PTPRC: variants seen among roughly 807,000 people sequenced by gnomAD.
The protein encoded by PTPRC is receptor-type tyrosine-protein phosphatase C.
A neutral mutation model predicts 155.9 loss-of-function variants in PTPRC; 44 were observed. That is an observed-to-expected ratio of 0.28 (90% CI 0.22 to 0.36). The LOEUF is 0.36. Ranked by LOEUF, PTPRC falls within the 10% of genes least tolerant of loss-of-function variation. The pLI is 1.00. For synonymous variants in PTPRC, 525 were observed against 533.1 expected (o/e 0.98, Z 0.21); for missense variants, 1,401 against 1,564.6 (o/e 0.90, Z 1.76).
chr1:198,653,343 TG>T (rs545353981), intron 2 of PTPRC, among the ~76,000 whole-genome samples: 1 of 151,864 alleles, frequency 6.6e-6, no homozygotes, highest in South Asian at 2.1e-4. Context: ...TTTAAGCATT[TG>T]AAAAACGATA....
chr1:198,674,129 G>A (rs1249320948), intron 2 of PTPRC, among the ~76,000 whole-genome samples: 1 of 152,140 alleles, frequency 6.6e-6, no homozygotes, highest in Non-Finnish European at 1.5e-5. Context: ...AGTTGCATTT[G>A]TTCCTCATAT....
intron 20 of PTPRC, among the ~76,000 whole-genome samples, chr1:198,733,659 A>G (rs1428220617): frequency 6.6e-6 from 1 of 151,806 alleles, no homozygotes; most frequent in East Asian, 1.9e-4. Flanking sequence ...GAAAGCAGAC[A>G]TAGTAGGTAA....
chr1:198,716,011 G>T (rs554318999), intron 12 of PTPRC, among the ~76,000 whole-genome samples: 1 of 152,216 alleles, frequency 6.6e-6, no homozygotes, highest in South Asian at 2.1e-4. Flanking sequence ...TGCCTCCCCA[G>T]CCAGAGCTGT....
intron 20 of PTPRC, among the ~76,000 whole-genome samples, chr1:198,733,863 T>C (rs1654506822): frequency 6.6e-6 from 1 of 151,714 alleles, no homozygotes; most frequent in Non-Finnish European, 1.5e-5. Flanking sequence ...CCTATAAGAG[T>C]TGGCAGGATA....
At chr1:198,740,043 C>A (rs1654827703) in intron 23 of PTPRC, among the ~76,000 whole-genome samples, 1 of 151,396 alleles carries the variant, frequency 6.6e-6, no homozygotes, top group Non-Finnish European at 1.5e-5. Context: ...CACAACAAAC[C>A]AAATCCTGTG....
intron 2 of PTPRC, among the ~76,000 whole-genome samples, chr1:198,653,055 C>T (rs1004859644): frequency 2.6e-5 from 4 of 151,784 alleles, no homozygotes; most frequent in African/African-American, 9.7e-5. Flanking sequence ...AGTTTTGTCA[C>T]ATTCCATTTT....
At chr1:198,731,985 A>G (rs1196056509) in intron 18 of PTPRC, among the ~76,000 whole-genome samples, 2 of 151,898 alleles carry the variant, frequency 1.3e-5, no homozygotes, top group African/African-American at 4.8e-5. Flanking sequence ...TATTTGGCTG[A>G]TTTTGTAGTT....
chr1:198,740,339 A>G (rs1268341346), intron 23 of PTPRC, among the ~76,000 whole-genome samples: 1 of 151,942 alleles, frequency 6.6e-6, no homozygotes, highest in Admixed American at 6.6e-5. Flanking sequence ...GTACTTTAAG[A>G]GGACAAGTCG....
chr1:198,672,999 A>T (rs181610095), intron 2 of PTPRC, among the ~76,000 whole-genome samples: 10 of 152,192 alleles, frequency 6.6e-5, no homozygotes, highest in South Asian at 2.1e-4. Context: ...CCAGAAAGAT[A>T]TCTAGCACCC....
chr1:198,742,051 AAAC>A lies in PTPRC; in HGVS notation c.2561+34_2561+36del, dbSNP rs764633896. On this transcript the variant is annotated intron_variant, in intron 24 of 32. Transcript: ENST00000442510. ...GGTAGGAAAAACGAACAAAAAAAAA[AAAC>A]AACAACAAAAAAACTCCAACAGAAT... 167 of 1,606,448 alleles carry A rather than the reference AAAC, an allele frequency of 1.0e-4. No individual in the cohort carries two copies. In the African/African-American group the frequency reaches 1.2e-3, roughly 11 times the overall value.
At chr1:198,684,405 T>C (rs1446585317) in intron 2 of PTPRC, among the ~76,000 whole-genome samples, 5 of 151,950 alleles carry the variant, frequency 3.3e-5, no homozygotes, top group Admixed American at 6.6e-5. Flanking sequence ...ATATGGTTGC[T>C]ATCTTTAAAA....
intron 2 of PTPRC, among the ~76,000 whole-genome samples, chr1:198,682,898 G>T (rs1377561178): frequency 6.6e-6 from 1 of 152,122 alleles, no homozygotes; most frequent in Non-Finnish European, 1.5e-5. Context: ...GTTTTAATGT[G>T]TGGTACTCTG....
chr1:198,648,302 C>T (rs908535313), intron 2 of PTPRC, among the ~76,000 whole-genome samples: 11 of 151,818 alleles, frequency 7.2e-5, no homozygotes, highest in Non-Finnish European at 1.3e-4. Context: ...ACACAGCACA[C>T]AAACAAATTC....
At chr1:198,684,954 T>C (rs1665537635) in intron 2 of PTPRC, among the ~76,000 whole-genome samples, 1 of 152,070 alleles carries the variant, frequency 6.6e-6, no homozygotes, top group Admixed American at 6.5e-5. Context: ...TAAAGGGATG[T>C]TGAAATTCTT....
intron 12 of PTPRC, among the ~76,000 whole-genome samples, chr1:198,715,744 G>T (rs908035843): frequency 1.3e-5 from 2 of 152,024 alleles, no homozygotes; most frequent in East Asian, 3.9e-4. Context: ...TGCAGTGATG[G>T]TTAAATTAAT....
intron 23 of PTPRC, among the ~76,000 whole-genome samples, chr1:198,738,670 A>C (rs1291226261): frequency 1.3e-5 from 2 of 151,702 alleles, no homozygotes; most frequent in Non-Finnish European, 2.9e-5. Flanking sequence ...TTGCAGAATG[A>C]GTTTGGAAGA....
intron 2 of PTPRC, among the ~76,000 whole-genome samples, chr1:198,682,118 A>T (rs1355611361): frequency 6.6e-6 from 1 of 152,264 alleles, no homozygotes; most frequent in Non-Finnish European, 1.5e-5. Context: ...TTAGCTGTGC[A>T]AACAGCAGTC....
At chr1:198,716,565 A>G (rs1336326739) in intron 12 of PTPRC, 117 bp from the exon 13 acceptor site, 1 of 853,492 alleles carries the variant, frequency 1.2e-6, no homozygotes, top group Non-Finnish European at 1.9e-6. Flanking sequence ...TTATTTTTCA[A>G]TCACTCAATA....
intron 2 of PTPRC, among the ~76,000 whole-genome samples, chr1:198,677,241 A>G (rs541409659): frequency 6.6e-6 from 1 of 152,156 alleles, no homozygotes; most frequent in Admixed American, 6.5e-5. Context: ...TGCATTCCAC[A>G]AATGGGATTA....
Sources: gnomAD v4.1 joint callset for allele counts (sites outside exome capture counted in the v4.1 genomes callset) on GRCh38, gnomAD v4.1.1 for gene constraint, MANE v1.5 for transcripts, NCBI Gene and HGNC (gene_info 2026-07-23, HGNC 2026-07-21) for gene names.